The following GDPD5 variants were observed in gnomAD, a reference collection of about 807,000 sequenced individuals.
The protein encoded by GDPD5 is glycerophosphodiester phosphodiesterase 2.
A neutral mutation model predicts 75.1 loss-of-function variants in GDPD5; 48 were observed. That is an observed-to-expected ratio of 0.64 (90% CI 0.51 to 0.81). The LOEUF (loss-of-function observed/expected upper bound fraction) is 0.81, where lower values mean the gene tolerates loss of function less well. Among genes scored for constraint, GDPD5 ranks in the 40% least tolerant of loss-of-function variants. The probability of loss-of-function intolerance (pLI) is 0.00; values close to 1 mark genes in which losing one functional copy is unlikely to be tolerated. For synonymous variants in GDPD5, 336 were observed against 339.0 expected (o/e 0.99, Z 0.10); for missense variants, 706 against 822.6 (o/e 0.86, Z 1.73).
intron 6 of GDPD5, chr11:75,452,378 G>C (rs1354230237): frequency 6.6e-6 from 1 of 152,296 alleles, no homozygotes; most frequent in Non-Finnish European, 1.5e-5. Flanking sequence ...GGGAAGATCA[G>C]TGAGGAAATG....
At chr11:75,498,649 G>A (rs541272258) in intron 1 of GDPD5, among the ~76,000 whole-genome samples, 1 of 152,164 alleles carries the variant, frequency 6.6e-6, no homozygotes, top group South Asian at 2.1e-4. Flanking sequence ...CAATGGGGGC[G>A]GGAGCTCTGT....
At position 75,442,596 on chromosome 11, in the gene GDPD5, G is replaced by GAC; in HGVS notation, c.949-17_949-16dup. The GAC allele has an allele frequency of 1.2e-6, 2 of 1,612,314 alleles. No individual in the cohort carries two copies. Among genetic ancestry groups the GAC allele is most frequent in the South Asian group, 2.2e-5 (2 of 91,046 alleles). ...AAGGGGTCAGTCTGGCAGGGACAGG[G>GAC]ACACACACATGGCTGCATCATCAGC... On this transcript the variant is annotated splice_polypyrimidine_tract_variant and intron_variant, in intron 11 of 16. Transcript: ENST00000336898.
intron 6 of GDPD5, chr11:75,452,439 T>A (rs1381375990): frequency 1.3e-5 from 2 of 152,198 alleles, no homozygotes. Flanking sequence ...GCTTACTAAA[T>A]CTCAGTGATA....
At chr11:75,484,401 C>T (rs560998894) in intron 2 of GDPD5, among the ~76,000 whole-genome samples, 1 of 152,218 alleles carries the variant, frequency 6.6e-6, no homozygotes, top group Non-Finnish European at 1.5e-5. Context: ...GCCCTCTCCA[C>T]TCCTACCCAG....
intron 15 of GDPD5, chr11:75,438,091 G>C (rs1031506391): frequency 1.3e-5 from 2 of 152,488 alleles, no homozygotes; most frequent in Non-Finnish European, 2.9e-5. Flanking sequence ...ATGGATGGAT[G>C]AACAGAGCAG....
At chr11:75,453,885 A>C (rs551493134) in intron 6 of GDPD5, among the ~76,000 whole-genome samples, 1 of 152,288 alleles carries the variant, frequency 6.6e-6, no homozygotes, top group East Asian at 1.9e-4. Context: ...CCAAAAAGAG[A>C]AAAAATTAAA....
Position 75,436,929 on chromosome 11 carries a change from T to G in GDPD5, c.1669+7A>C, listed in dbSNP as rs1363039502. The G allele has an allele frequency of 5.0e-6, 8 of 1,609,642 alleles. No individual in the cohort carries two copies. Among genetic ancestry groups the G allele is most frequent in the Non-Finnish European group, 6.8e-6 (8 of 1,176,490 alleles). ...GCCTGCCTCCACCTGTCTGCAGGGC[T>G]GTGTACCTGAGAAAATAAGCTTCTC... On this transcript the variant is annotated splice_region_variant and intron_variant, in intron 16 of 16. Transcript: ENST00000336898.
At chr11:75,458,253 C>T (rs1453620416) in intron 4 of GDPD5, among the ~76,000 whole-genome samples, 1 of 152,194 alleles carries the variant, frequency 6.6e-6, no homozygotes, top group Non-Finnish European at 1.5e-5. Context: ...TCTAAGATGC[C>T]ATCGATTGTC....
intron 9 of GDPD5, among the ~76,000 whole-genome samples, chr11:75,445,775 G>C (rs1252308838): frequency 6.6e-6 from 1 of 152,198 alleles, no homozygotes; most frequent in Non-Finnish European, 1.5e-5. Context: ...GAGGGCTTTG[G>C]AACGGACTAA....
At chr11:75,441,557 T>G in intron 13 of GDPD5, 89 bp downstream of exon 13, 1 of 1,241,730 alleles carries the variant, frequency 8.1e-7, no homozygotes, top group Non-Finnish European at 1.1e-6. Flanking sequence ...TGTGTGTGTG[T>G]GTGTGTGTGT....
chr11:75,493,184 A>AC (rs1426451391), intron 1 of GDPD5, among the ~76,000 whole-genome samples: 2 of 146,952 alleles, frequency 1.4e-5, no homozygotes, highest in East Asian at 4.0e-4. Flanking sequence ...AAGAAGACCC[A>AC]CCCCCCGAAC....
intron 2 of GDPD5, among the ~76,000 whole-genome samples, chr11:75,488,037 C>T (rs1266975762): frequency 1.3e-5 from 2 of 152,216 alleles, no homozygotes; most frequent in African/African-American, 4.8e-5. Context: ...GCCTCCCCTT[C>T]CATTCAGAAA....
intron 1 of GDPD5, among the ~76,000 whole-genome samples, chr11:75,513,803 G>T (rs1004600142): frequency 5.9e-5 from 9 of 152,186 alleles, no homozygotes; most frequent in Non-Finnish European, 1.3e-4. Flanking sequence ...CACCCATAGG[G>T]CCTCCTCCTA....
In GDPD5 at chr11:75,435,369, G is replaced by A. The variant is rs955475133; in HGVS notation, c.*138C>T. Reference sequence around the variant, plus strand: ...GGGAGTCCCCCTCAAGAGAGGCTGCGGCTGACAAGGGGCTGGAGCCCACAA... The same window carrying A: ...GGGAGTCCCCCTCAAGAGAGGCTGCAGCTGACAAGGGGCTGGAGCCCACAA... On this transcript the variant is annotated 3_prime_UTR_variant, in exon 17 of 17. Transcript: ENST00000336898. 1.9e-5 allele frequency: 14 copies of A among 741,242 alleles called. No homozygotes were observed. Among genetic ancestry groups the A allele is most frequent in the African/African-American group, 3.5e-5 (2 of 56,864 alleles). The allele number at this position is 741,242 out of a possible 1,614,324, so 45.9% of individuals were successfully genotyped here.
At chr11:75,478,262 G>A (rs1436303472) in intron 2 of GDPD5, among the ~76,000 whole-genome samples, 1 of 152,164 alleles carries the variant, frequency 6.6e-6, no homozygotes, top group Non-Finnish European at 1.5e-5. Flanking sequence ...CAATTCTCTT[G>A]CCTCAGCCTC....
chr11:75,435,546 G>A lies in GDPD5; in HGVS notation c.1779C>T (p.Gly593=). The change falls in exon 17 of 17, where the codon GGC becomes GGT. Residue 593 remains glycine (G), a synonymous_variant. Transcript: ENST00000336898. ...TATPVGPRGG[G]SHTKTLIERS... ...GCTCTATGAGGGTCTTGGTGTGGCT[G>A]CCACCCCCTCGGGGGCCCACAGGGG... The A allele has an allele frequency of 6.2e-7, 1 of 1,612,574 alleles. No homozygotes were observed. Among genetic ancestry groups the A allele is most frequent in the Non-Finnish European group, 8.5e-7 (1 of 1,179,376 alleles).
At chr11:75,465,037 C>T (rs894148692) in intron 3 of GDPD5, among the ~76,000 whole-genome samples, 1 of 152,196 alleles carries the variant, frequency 6.6e-6, no homozygotes, top group Non-Finnish European at 1.5e-5. Context: ...TAACAGCCTT[C>T]ATTCCCTGCA....
intron 5 of GDPD5, 92 bp from the exon 6 acceptor site, chr11:75,456,908 G>T: frequency 7.7e-7 from 1 of 1,294,552 alleles, no homozygotes; most frequent in South Asian, 1.2e-5. Flanking sequence ...CTGCGGCTCT[G>T]GGCCTGACCC....
intron 1 of GDPD5, among the ~76,000 whole-genome samples, chr11:75,500,856 T>C (rs1790144): frequency 0.82 from 124,509 of 152,150 alleles, 51,713 homozygotes; most frequent in East Asian, 0.97. Flanking sequence ...CTCTGTTCTC[T>C]ATCTCCTTCC....
Sources: gnomAD v4.1 joint callset for allele counts (sites outside exome capture counted in the v4.1 genomes callset) on GRCh38, gnomAD v4.1.1 for gene constraint, MANE v1.5 for transcripts, NCBI Gene and HGNC (gene_info 2026-07-23, HGNC 2026-07-21) for gene names.